GRID2: variants seen among roughly 807,000 people sequenced by gnomAD.
The protein encoded by GRID2 is glutamate receptor ionotropic, delta-2.
In GRID2, 33 loss-of-function variants were observed where a neutral mutation model predicts 114.8. The ratio of observed to expected loss-of-function variants is 0.29; its 90% CI spans 0.22 to 0.38. The LOEUF is 0.38. GRID2 is among the 10% of genes least tolerant of loss of function. The probability of loss-of-function intolerance (pLI) is 1.00; values close to 1 mark genes in which losing one functional copy is unlikely to be tolerated. For synonymous variants in GRID2, 505 were observed against 449.9 expected (o/e 1.12, Z -1.55); for missense variants, 1,184 against 1,257.7 (o/e 0.94, Z 0.89).
At chr4:92,757,930 G>A (rs557213585) in intron 2 of GRID2, among the ~76,000 whole-genome samples, 22 of 152,112 alleles carry the variant, frequency 1.4e-4, no homozygotes, top group Non-Finnish European at 2.9e-4. Flanking sequence ...AAACAGAGTA[G>A]TGGGGCAAAT....
intron 11 of GRID2, among the ~76,000 whole-genome samples, chr4:93,469,437 G>A (rs1005135424): frequency 7.9e-5 from 12 of 151,402 alleles, no homozygotes; most frequent in African/African-American, 2.9e-4. Flanking sequence ...AAATTAAATT[G>A]AATATTTTTA....
At chr4:93,262,147 G>A (rs1387139440) in intron 8 of GRID2, among the ~76,000 whole-genome samples, 1 of 151,770 alleles carries the variant, frequency 6.6e-6, no homozygotes, top group Non-Finnish European at 1.5e-5. Context: ...AAAAATATCA[G>A]TTACTATATT....
intron 2 of GRID2, among the ~76,000 whole-genome samples, chr4:92,990,842 A>G (rs1320947091): frequency 6.6e-6 from 1 of 152,154 alleles, no homozygotes; most frequent in Non-Finnish European, 1.5e-5. Context: ...CCCTCTAGAA[A>G]AGTAAAAACA....
At chr4:93,242,150 G>C (rs1430323502) in intron 8 of GRID2, among the ~76,000 whole-genome samples, 1 of 151,922 alleles carries the variant, frequency 6.6e-6, no homozygotes, top group Non-Finnish European at 1.5e-5. Context: ...TTAATAAATT[G>C]TCTTTGCTTG....
chr4:92,839,614 A>C (rs1742736031), intron 2 of GRID2, among the ~76,000 whole-genome samples: 1 of 151,688 alleles, frequency 6.6e-6, no homozygotes, highest in Non-Finnish European at 1.5e-5. Context: ...TTTAATTTCC[A>C]TGTGTTTGTA....
Position 93,109,441 on chromosome 4 carries a change from A to G in GRID2, c.530-1307A>G, listed in dbSNP as rs375694761. ...TGTTTTAGTCAATTTGTAACCTTGC[A>G]AATGTAAATGTTTATAAGAGTAAAT... On this transcript the variant is annotated intron_variant, in intron 3 of 15. Transcript: ENST00000282020. Among the ~76,000 whole-genome samples, 25 of 152,340 alleles carry G rather than the reference A, an allele frequency of 1.6e-4. No homozygotes were observed. The East Asian group carries it at 4.6e-3, about 28-fold the overall frequency.
chr4:92,578,766 A>ATCTATCTAT (rs1728032460), intron 1 of GRID2, among the ~76,000 whole-genome samples: 1 of 151,912 alleles, frequency 6.6e-6, no homozygotes. Context: ...CTATCTATCT[A>ATCTATCTAT]CATATTTGAA....
chr4:92,412,412 A>G (rs938482436), intron 1 of GRID2, among the ~76,000 whole-genome samples: 1 of 152,174 alleles, frequency 6.6e-6, no homozygotes. Context: ...TATTCCTAGA[A>G]GTGTGGATAC....
At chr4:93,210,864 T>G (rs1483312422) in intron 5 of GRID2, among the ~76,000 whole-genome samples, 1 of 152,084 alleles carries the variant, frequency 6.6e-6, no homozygotes, top group Non-Finnish European at 1.5e-5. Context: ...TTTTTTGAAA[T>G]AAGGATTCTT....
chr4:93,332,354 G>C (rs1758589761), intron 8 of GRID2, among the ~76,000 whole-genome samples: 1 of 149,970 alleles, frequency 6.7e-6, no homozygotes, highest in Non-Finnish European at 1.5e-5. Context: ...CCTACTTCCA[G>C]TTGGTTCTAA....
chr4:93,176,520 A>G (rs995734866), intron 4 of GRID2, among the ~76,000 whole-genome samples: 5 of 152,300 alleles, frequency 3.3e-5, no homozygotes, highest in East Asian at 1.9e-4. Flanking sequence ...AGCATGGCCA[A>G]TTGTCTACAG....
chr4:92,941,535 AT>A (rs1414790605), intron 2 of GRID2, among the ~76,000 whole-genome samples: 1 of 152,028 alleles, frequency 6.6e-6, no homozygotes, highest in Non-Finnish European at 1.5e-5. Context: ...GGATTCATTG[AT>A]TTTTTGAAGG....
At chr4:92,471,917 T>A (rs2149096395) in intron 1 of GRID2, among the ~76,000 whole-genome samples, 1 of 134,610 alleles carries the variant, frequency 7.4e-6, no homozygotes, top group Admixed American at 7.8e-5. Context: ...TGGGGATTTA[T>A]CCATATTTCT....
At chr4:93,329,663 T>TA in intron 8 of GRID2, among the ~76,000 whole-genome samples, 1 of 152,258 alleles carries the variant, frequency 6.6e-6, no homozygotes, top group Admixed American at 6.5e-5. Flanking sequence ...ACAGTCACAG[T>TA]AAAAATTTAG....
chr4:92,508,741 G>C (rs1432928945), intron 1 of GRID2, among the ~76,000 whole-genome samples: 1 of 151,884 alleles, frequency 6.6e-6, no homozygotes, highest in East Asian at 1.9e-4. Flanking sequence ...TAAGCAAGAT[G>C]GGAGAACTTT....
In GRID2 at chr4:93,615,890, T is replaced by C. The variant is rs150678140; in HGVS notation, c.2194-10379T>C. On this transcript the variant is annotated intron_variant, in intron 13 of 15. Transcript: ENST00000282020. ...TTTTTTTCAAAAATCATCAAGCAAG[T>C]TTGGAAATATAGTATATAAATTTTT... 1.2e-4 allele frequency among the ~76,000 whole-genome samples: 19 copies of C among 152,240 alleles called. No individual in the cohort carries two copies. The East Asian group carries it at 3.7e-3, about 29-fold the overall frequency.
chr4:93,239,436 G>C (rs548033143), intron 8 of GRID2, among the ~76,000 whole-genome samples: 5 of 150,938 alleles, frequency 3.3e-5, no homozygotes, highest in Non-Finnish European at 5.9e-5. Flanking sequence ...ATTTCTAACT[G>C]TCTAAAGTTG....
chr4:93,248,259 A>G (rs1392761042), intron 8 of GRID2, among the ~76,000 whole-genome samples: 2 of 152,204 alleles, frequency 1.3e-5, no homozygotes, highest in Non-Finnish European at 2.9e-5. Context: ...TATATTAGGA[A>G]TTCACAGAAT....
chr4:92,564,067 A>G (rs1727224619), intron 1 of GRID2, among the ~76,000 whole-genome samples: 1 of 152,006 alleles, frequency 6.6e-6, no homozygotes, highest in African/African-American at 2.4e-5. Flanking sequence ...ATTTAATCCA[A>G]ATACATGGAT....
Sources: allele counts gnomAD v4.1 joint callset (sites outside exome capture counted in the v4.1 genomes callset), GRCh38; gene constraint gnomAD v4.1.1; transcripts MANE v1.5; gene names NCBI Gene and HGNC (gene_info 2026-07-23, HGNC 2026-07-21).